The following PLCB1 variants were observed in gnomAD, a reference collection of about 807,000 sequenced individuals.
PLCB1 encodes 1-phosphatidylinositol 4,5-bisphosphate phosphodiesterase beta-1.
In PLCB1, 46 loss-of-function variants were observed where a neutral mutation model predicts 161.8. The observed-to-expected ratio is 0.28, with a 90% CI of 0.22 to 0.36. The LOEUF (loss-of-function observed/expected upper bound fraction) is 0.36. Ranked by LOEUF, PLCB1 falls within the 10% of genes least tolerant of loss-of-function variation. The probability of loss-of-function intolerance (pLI) is 1.00; values close to 1 mark genes in which losing one functional copy is unlikely to be tolerated. For missense variants in PLCB1, 1,016 were observed against 1,472.5 expected (o/e 0.69, Z 5.07); for synonymous variants, 517 against 503.7 (o/e 1.03, Z -0.35).
rs1255446843 is a variant in PLCB1 at position 8,747,000 on chromosome 20, C to CCA, written c.2523+5435_2523+5436dup. On this transcript the variant is annotated intron_variant, in intron 23 of 31. Coordinates refer to ENST00000338037, the MANE Select transcript of PLCB1 (RefSeq NM_015192.4). ...GAGCACAGTTTAACAAGCATCTCCA[C>CCA]CACACACACGCACTACCTCTGTAAC... Among the ~76,000 whole-genome samples, 11 of 152,162 alleles carry CCA rather than the reference C, an allele frequency of 7.2e-5. No individual in the cohort carries two copies. The South Asian group carries it at 1.9e-3, about 26-fold the overall frequency.
At chr20:8,836,666 C>CAATACTCCAATTAGGAGT in intron 31 of PLCB1, among the ~76,000 whole-genome samples, 1 of 152,074 alleles carries the variant, frequency 6.6e-6, no homozygotes, top group East Asian at 1.9e-4. Flanking sequence ...TAAATATTAC[C>CAATACTCCAATTAGGAGT]ATTGGATACT....
At chr20:8,603,959 A>G (rs750526198) in intron 3 of PLCB1, among the ~76,000 whole-genome samples, 6 of 152,178 alleles carry the variant, frequency 3.9e-5, no homozygotes, top group Non-Finnish European at 7.4e-5. Context: ...CACTTTAACA[A>G]TGAGTACTAT....
At chr20:8,802,140 G>A (rs755668921) in intron 31 of PLCB1, 15 of 1,611,020 alleles carry the variant, frequency 9.3e-6, no homozygotes, top group African/African-American at 1.3e-5. Flanking sequence ...CAACCCTCAA[G>A]CTCTCAAGTG....
chr20:8,567,913 T>C (rs1308371733), intron 3 of PLCB1, among the ~76,000 whole-genome samples: 1 of 152,214 alleles, frequency 6.6e-6, no homozygotes, highest in Non-Finnish European at 1.5e-5. Context: ...ATTTATACTT[T>C]AAAGGGAATC....
chr20:8,769,833 A>C (rs1480279971), intron 26 of PLCB1, among the ~76,000 whole-genome samples: 1 of 152,234 alleles, frequency 6.6e-6, no homozygotes, highest in Non-Finnish European at 1.5e-5. Flanking sequence ...GCCAAGTTAT[A>C]GAGATAAGAT....
intron 2 of PLCB1, among the ~76,000 whole-genome samples, chr20:8,183,318 C>T (rs2051867243): frequency 6.6e-6 from 1 of 152,132 alleles, no homozygotes; most frequent in Non-Finnish European, 1.5e-5. Flanking sequence ...TTGTCTAACT[C>T]ACAAAATTGC....
In PLCB1 at chr20:8,541,184, T is replaced by C. The variant is rs1258098151; in HGVS notation, c.247-87110T>C. Among the ~76,000 whole-genome samples the C allele has an allele frequency of 3.3e-5, 5 of 152,310 alleles. 1 individual carries two copies. Among genetic ancestry groups the C allele is most frequent in the Non-Finnish European group, 5.9e-5 (4 of 68,032 alleles). ...AGAAATTAGGAATTTAGGCTTCAGATCCAACCCCACCTGGGTTGGTATTTG... is the reference window on the plus strand; with the variant it reads ...AGAAATTAGGAATTTAGGCTTCAGACCCAACCCCACCTGGGTTGGTATTTG... On this transcript the variant is annotated intron_variant, in intron 3 of 31. Transcript: ENST00000338037.
chr20:8,646,947 G>A (rs1012340253), intron 5 of PLCB1, among the ~76,000 whole-genome samples: 1 of 152,150 alleles, frequency 6.6e-6, no homozygotes, highest in Non-Finnish European at 1.5e-5. Flanking sequence ...ACAGAGTTCT[G>A]TCTTCCCTCT....
intron 3 of PLCB1, among the ~76,000 whole-genome samples, chr20:8,550,222 G>T (rs1985723145): frequency 6.6e-6 from 1 of 152,068 alleles, no homozygotes; most frequent in Non-Finnish European, 1.5e-5. Flanking sequence ...CTGTTGGAAG[G>T]GTATGATTGT....
chr20:8,868,515 AAC>A (rs1987504224), intron 31 of PLCB1, among the ~76,000 whole-genome samples: 1 of 152,240 alleles, frequency 6.6e-6, no homozygotes, highest in African/African-American at 2.4e-5. Flanking sequence ...TATTCCCCTC[AAC>A]ACACAAGAAT....
intron 4 of PLCB1, among the ~76,000 whole-genome samples, chr20:8,633,145 CACATATT>C (rs1402132598): frequency 2.1e-4 from 23 of 109,988 alleles, no homozygotes; most frequent in African/African-American, 8.2e-4. Context: ...CACACACACA[CACATATT>C]ATAAAGAAGG....
intron 2 of PLCB1, among the ~76,000 whole-genome samples, chr20:8,332,915 A>G (rs986969272): frequency 1.3e-5 from 2 of 152,234 alleles, no homozygotes; most frequent in African/African-American, 4.8e-5. Context: ...TAAAATATTT[A>G]TGTAGCTGCT....
chr20:8,334,075 G>A (rs978447874), intron 2 of PLCB1, among the ~76,000 whole-genome samples: 3 of 152,132 alleles, frequency 2.0e-5, no homozygotes, highest in African/African-American at 7.2e-5. Context: ...CGGGTGTGGT[G>A]GTGCATGCCT....
chr20:8,828,040 C>T (rs368548854), intron 31 of PLCB1, among the ~76,000 whole-genome samples: 8 of 152,082 alleles, frequency 5.3e-5, no homozygotes, highest in African/African-American at 1.9e-4. Context: ...CACACATTAC[C>T]GTCATAAAAA....
intron 2 of PLCB1, among the ~76,000 whole-genome samples, chr20:8,214,099 A>C (rs772415119): frequency 1.3e-5 from 2 of 152,172 alleles, no homozygotes; most frequent in Non-Finnish European, 2.9e-5. Flanking sequence ...TGAGGTAAAG[A>C]GCAGTCTTAC....
chr20:8,351,168 A>G (rs935028043), intron 2 of PLCB1, among the ~76,000 whole-genome samples: 3 of 152,184 alleles, frequency 2.0e-5, no homozygotes, highest in African/African-American at 7.2e-5. Context: ...GGAAAATAAT[A>G]GCAAGCCCCC....
intron 2 of PLCB1, among the ~76,000 whole-genome samples, chr20:8,322,432 A>G (rs372978346): frequency 9.9e-4 from 150 of 152,260 alleles, no homozygotes; most frequent in African/African-American, 3.5e-3. Context: ...TACAAGGTCA[A>G]GTATTTTATA....
intron 2 of PLCB1, among the ~76,000 whole-genome samples, chr20:8,335,181 T>C (rs899242553): frequency 6.6e-6 from 1 of 152,342 alleles, no homozygotes; most frequent in Non-Finnish European, 1.5e-5. Context: ...GTGCTTGTAA[T>C]TTTTTGGTGA....
chr20:8,700,813 G>C (rs961753945), intron 11 of PLCB1, among the ~76,000 whole-genome samples: 1 of 152,166 alleles, frequency 6.6e-6, no homozygotes, highest in African/African-American at 2.4e-5. Context: ...GGTTTTTCCA[G>C]CTATTCCTCC....
Sources: gnomAD v4.1 joint callset for allele counts (sites outside exome capture counted in the v4.1 genomes callset) on GRCh38, gnomAD v4.1.1 for gene constraint, MANE v1.5 for transcripts, NCBI Gene and HGNC (gene_info 2026-07-23, HGNC 2026-07-21) for gene names.